Variants in ASPRV1 observed in about 807,000 individuals in gnomAD.
The protein encoded by ASPRV1 is aspartic peptidase retroviral like 1.
ASPRV1 carries 7 observed loss-of-function variants against 11.0 expected under a neutral mutation model. The ratio of observed to expected loss-of-function variants is 0.64; its 90% CI spans 0.36 to 1.20. ASPRV1 has a LOEUF of 1.20. ASPRV1 is among the 50% of genes most tolerant of loss of function. The pLI, the probability that ASPRV1 is intolerant of heterozygous loss-of-function variation, is 0.02. For synonymous variants in ASPRV1, 136 were observed against 138.4 expected (o/e 0.98, Z 0.12); for missense variants, 299 against 320.0 (o/e 0.93, Z 0.50).
At chr2:70,066,826 G>A in the ASPRV1 span, among the ~76,000 whole-genome samples, 2 of 151,024 alleles carry the variant, frequency 1.3e-5, no homozygotes, top group African/African-American at 2.4e-5. Context: ...CTGGGCTCAA[G>A]CGATCCTCCC....
At chr2:70,041,371 A>G in the ASPRV1 span, among the ~76,000 whole-genome samples, 2 of 152,260 alleles carry the variant, frequency 1.3e-5, no homozygotes, top group East Asian at 1.9e-4. Flanking sequence ...GCCAACTTCC[A>G]TTCCTGGTAC....
Position 69,961,287 on chromosome 2 carries a change from C to T in ASPRV1, c.150G>A (p.Lys50=), listed in dbSNP as rs1377366312. 9 of 1,614,154 alleles carry T rather than the reference C, an allele frequency of 5.6e-6. No homozygotes were observed. The highest frequency in any genetic ancestry group is 6.8e-6 in the Non-Finnish European group (8 of 1,180,022). Residue 50 remains lysine, a synonymous_variant, in exon 1 of 1, where the codon AAG becomes AAA. Transcript: ENST00000320256. ...TGAGGGACTCTTTCAGGAACCTTAGCTTGGTGATATGGTCCCAATGGTTGA... is the reference window on the plus strand; with the variant it reads ...TGAGGGACTCTTTCAGGAACCTTAGTTTGGTGATATGGTCCCAATGGTTGA... ...NDLNHWDHIT[K]LRFLKESLRG...
chr2:70,024,998 T>A, the ASPRV1 span, among the ~76,000 whole-genome samples: 1 of 152,236 alleles, frequency 6.6e-6, no homozygotes. Context: ...TTGCACTGTC[T>A]GTAGCTCAAA....
At chr2:69,970,264 T>A in the ASPRV1 span, among the ~76,000 whole-genome samples, 41 of 152,230 alleles carry the variant, frequency 2.7e-4, 1 homozygote, top group Admixed American at 1.2e-3. Flanking sequence ...CCTTGCCTCC[T>A]GCCTCCTCTC....
At chr2:70,074,535 CA>C in the ASPRV1 span, among the ~76,000 whole-genome samples, 2 of 151,806 alleles carry the variant, frequency 1.3e-5, no homozygotes, top group East Asian at 4.0e-4. Flanking sequence ...CTCGACCTCC[CA>C]AAGTACTGGG....
chr2:70,047,143 C>T, the ASPRV1 span, among the ~76,000 whole-genome samples: 3 of 152,128 alleles, frequency 2.0e-5, no homozygotes, highest in Non-Finnish European at 2.9e-5. Context: ...CAGGCCTTTG[C>T]TCAGTCCTGG....
the ASPRV1 span, among the ~76,000 whole-genome samples, chr2:70,027,943 A>AT: frequency 2.6e-5 from 4 of 152,214 alleles, no homozygotes; most frequent in Admixed American, 6.5e-5. Context: ...ATGTACCCCC[A>AT]TAAGTATGTT....
At chr2:69,947,407 C>T in the ASPRV1 span, among the ~76,000 whole-genome samples, 1 of 152,184 alleles carries the variant, frequency 6.6e-6, no homozygotes, top group Non-Finnish European at 1.5e-5. Context: ...AATCATGCAA[C>T]AGATCATCTT....
At chr2:69,937,514 A>G in the ASPRV1 span, 2 of 1,007,432 alleles carry the variant, frequency 2.0e-6, no homozygotes, top group Non-Finnish European at 2.8e-6. Flanking sequence ...TATGATGTAG[A>G]GAAGTCGAAC....
At chr2:70,062,791 A>T in the ASPRV1 span, among the ~76,000 whole-genome samples, 30 of 152,258 alleles carry the variant, frequency 2.0e-4, no homozygotes, top group Non-Finnish European at 3.7e-4. Flanking sequence ...ACATAGCGAG[A>T]CCTTGTCTCT....
the ASPRV1 span, among the ~76,000 whole-genome samples, chr2:70,080,506 C>T: frequency 2.6e-5 from 4 of 152,110 alleles, no homozygotes; most frequent in Admixed American, 1.3e-4. Context: ...GGATTACAGG[C>T]GTGAGCCACT....
chr2:70,073,115 C>T, the ASPRV1 span: 3 of 152,034 alleles, frequency 2.0e-5, no homozygotes, highest in East Asian at 1.9e-4. Context: ...TTTTCAACAA[C>T]GATGTCCTAA....
the ASPRV1 span, among the ~76,000 whole-genome samples, chr2:70,069,741 T>G: frequency 6.6e-6 from 1 of 152,146 alleles, no homozygotes; most frequent in Non-Finnish European, 1.5e-5. Context: ...GGAGCAATAT[T>G]CAATACACAA....
At chr2:69,981,656 G>A in the ASPRV1 span, among the ~76,000 whole-genome samples, 2 of 152,036 alleles carry the variant, frequency 1.3e-5, no homozygotes, top group Non-Finnish European at 2.9e-5. Flanking sequence ...TCCCGGGTTC[G>A]AGCAATTATC....
chr2:70,013,462 C>T, the ASPRV1 span, among the ~76,000 whole-genome samples: 1 of 152,200 alleles, frequency 6.6e-6, no homozygotes, highest in African/African-American at 2.4e-5. Flanking sequence ...ACACAACAGA[C>T]TGAATACAAA....
chr2:70,012,824 T>A, the ASPRV1 span, among the ~76,000 whole-genome samples: 1 of 152,192 alleles, frequency 6.6e-6, no homozygotes, highest in African/African-American at 2.4e-5. Context: ...TCATAGAACA[T>A]CATTTTTATT....
At chr2:69,951,119 T>C in the ASPRV1 span, among the ~76,000 whole-genome samples, 1 of 151,948 alleles carries the variant, frequency 6.6e-6, no homozygotes, top group Non-Finnish European at 1.5e-5. Flanking sequence ...TTCTTATATA[T>C]GTATATAAAA....
Position 69,961,587 on chromosome 2 carries a change from C to T in ASPRV1, c.-151G>A, listed in dbSNP as rs147712278. Reference sequence around the variant, plus strand: ...CCTTGGGCAAGCAGGAGGGAGCAGGCGCGGTCGGCTGGCTGACTGCTGGGG... The same window carrying T: ...CCTTGGGCAAGCAGGAGGGAGCAGGTGCGGTCGGCTGGCTGACTGCTGGGG... On this transcript the variant is annotated 5_prime_UTR_variant, in exon 1 of 1. Coordinates refer to ENST00000320256, the MANE Select transcript of ASPRV1 (RefSeq NM_152792.4). 3.7e-5 allele frequency: 60 copies of T among 1,613,182 alleles called. No homozygotes were observed. Among genetic ancestry groups the T allele is most frequent in the African/African-American group, 1.7e-4 (13 of 75,032 alleles).
the ASPRV1 span, chr2:70,051,187 A>G: frequency 6.6e-6 from 1 of 152,204 alleles, no homozygotes; most frequent in African/African-American, 2.4e-5. Flanking sequence ...AGGGACAAAG[A>G]AGGTAAATGA....
Sources: gnomAD v4.1 joint callset for allele counts (sites outside exome capture counted in the v4.1 genomes callset) on GRCh38, gnomAD v4.1.1 for gene constraint, MANE v1.5 for transcripts, NCBI Gene and HGNC (gene_info 2026-07-23, HGNC 2026-07-21) for gene names.